The following SCFD2 variants were observed in gnomAD, a reference collection of about 807,000 sequenced individuals.
SCFD2 encodes the protein sec1 family domain-containing protein 2.
Under a neutral mutation model 58.9 loss-of-function variants are expected in SCFD2, and 54 were observed. The ratio of observed to expected loss-of-function variants is 0.92; its 90% CI spans 0.74 to 1.15. The LOEUF is 1.15. SCFD2 is among the 50% of genes most tolerant of loss of function. SCFD2 has a pLI of 0.00. For missense variants in SCFD2, 805 were observed against 836.6 expected (o/e 0.96, Z 0.47); for synonymous variants, 321 against 335.9 (o/e 0.96, Z 0.49).
chr4:53,362,053 A>G (rs1304979279), intron 1 of SCFD2, among the ~76,000 whole-genome samples: 1 of 152,112 alleles, frequency 6.6e-6, no homozygotes, highest in Non-Finnish European at 1.5e-5. Flanking sequence ...GTGGGAGGAG[A>G]CAGGTAATAA....
At chr4:52,993,009 A>T (rs2148795901) in intron 5 of SCFD2, among the ~76,000 whole-genome samples, 1 of 151,948 alleles carries the variant, frequency 6.6e-6, no homozygotes, top group East Asian at 1.9e-4. Flanking sequence ...GTCTGTGCAG[A>T]GGGAAGTAGA....
At chr4:53,150,835 ATAACAGGATAGTCT>A (rs1224847548) in intron 4 of SCFD2, among the ~76,000 whole-genome samples, 3 of 152,224 alleles carry the variant, frequency 2.0e-5, no homozygotes, top group Non-Finnish European at 4.4e-5. Context: ...CGTAATCCCC[ATAACAGGATAGTCT>A]TTGTAAAGAC....
At chr4:53,172,636 T>C (rs1333735362) in intron 4 of SCFD2, among the ~76,000 whole-genome samples, 1 of 152,218 alleles carries the variant, frequency 6.6e-6, no homozygotes, top group African/African-American at 2.4e-5. Context: ...AACTTCCACA[T>C]ATTTGTAAAT....
intron 5 of SCFD2, among the ~76,000 whole-genome samples, chr4:53,074,376 C>T (rs1577706031): frequency 1.3e-5 from 2 of 152,104 alleles, no homozygotes; most frequent in South Asian, 2.1e-4. Flanking sequence ...TCAAAGTTAT[C>T]GATGAGGCTT....
chr4:53,249,630 A>G (rs1202555096), intron 4 of SCFD2, among the ~76,000 whole-genome samples: 1 of 152,234 alleles, frequency 6.6e-6, no homozygotes, highest in Non-Finnish European at 1.5e-5. Context: ...TACAAGCCAG[A>G]AGAGAGTGGG....
At chr4:53,131,869 A>C (rs1389677721) in intron 5 of SCFD2, among the ~76,000 whole-genome samples, 1 of 152,230 alleles carries the variant, frequency 6.6e-6, no homozygotes, top group Admixed American at 6.5e-5. Flanking sequence ...ATTGTATCTA[A>C]TGTAGAGTTA....
chr4:52,972,760 G>C (rs1265515831), intron 5 of SCFD2, among the ~76,000 whole-genome samples: 1 of 152,126 alleles, frequency 6.6e-6, no homozygotes, highest in Non-Finnish European at 1.5e-5. Context: ...TGACCACATA[G>C]TTGGAAGTAG....
intron 4 of SCFD2, among the ~76,000 whole-genome samples, chr4:53,181,564 A>G (rs1727556963): frequency 6.6e-6 from 1 of 152,222 alleles, no homozygotes; most frequent in African/African-American, 2.4e-5. Flanking sequence ...GAATGGGCAA[A>G]AACTGGAAGC....
chr4:53,099,889 A>G (rs1288449481), intron 5 of SCFD2, among the ~76,000 whole-genome samples: 1 of 152,150 alleles, frequency 6.6e-6, no homozygotes, highest in Non-Finnish European at 1.5e-5. Context: ...TTTTTAAAAA[A>G]TTATTTATGG....
At chr4:53,259,738 T>G (rs1237385217) in intron 4 of SCFD2, among the ~76,000 whole-genome samples, 2 of 152,214 alleles carry the variant, frequency 1.3e-5, no homozygotes, top group East Asian at 3.8e-4. Context: ...AGAATTGTTT[T>G]TCTAGTTCTG....
At chr4:53,012,099 C>T (rs1175698834) in intron 5 of SCFD2, among the ~76,000 whole-genome samples, 2 of 149,074 alleles carry the variant, frequency 1.3e-5, no homozygotes, top group East Asian at 3.9e-4. Flanking sequence ...CCAAAAACAA[C>T]AGCAAGAAAG....
At chr4:53,304,230 C>G (rs1732439290) in intron 3 of SCFD2, among the ~76,000 whole-genome samples, 1 of 152,098 alleles carries the variant, frequency 6.6e-6, no homozygotes, top group South Asian at 2.1e-4. Flanking sequence ...TTGTGGGTAA[C>G]CCAACCTTTC....
chr4:52,995,366 CT>C, intron 5 of SCFD2, among the ~76,000 whole-genome samples: 1 of 152,202 alleles, frequency 6.6e-6, no homozygotes, highest in Non-Finnish European at 1.5e-5. Flanking sequence ...GTAATGCTCC[CT>C]TGCCCACTGC....
At chr4:53,022,338 A>G (rs1262457785) in intron 5 of SCFD2, among the ~76,000 whole-genome samples, 2 of 152,218 alleles carry the variant, frequency 1.3e-5, no homozygotes, top group African/African-American at 4.8e-5. Context: ...CCCTGAAAAT[A>G]TGCCTGATCC....
chr4:53,105,164 T>C (rs1412910319), intron 5 of SCFD2, among the ~76,000 whole-genome samples: 6 of 152,034 alleles, frequency 3.9e-5, no homozygotes, highest in Non-Finnish European at 7.4e-5. Flanking sequence ...CCAGATACTA[T>C]GCTTTTCCCA....
chr4:53,250,702 C>T (rs183570203), intron 4 of SCFD2, among the ~76,000 whole-genome samples: 14 of 152,264 alleles, frequency 9.2e-5, no homozygotes, highest in Admixed American at 5.2e-4. Flanking sequence ...CCAACGACAA[C>T]AAAGACACAA....
intron 2 of SCFD2, among the ~76,000 whole-genome samples, chr4:53,347,440 T>C (rs1734089710): frequency 6.6e-6 from 1 of 152,090 alleles, no homozygotes; most frequent in Non-Finnish European, 1.5e-5. Flanking sequence ...AGTGGAGAGT[T>C]CTCTCCATAG....
intron 2 of SCFD2, among the ~76,000 whole-genome samples, chr4:53,329,577 C>A (rs1256166208): frequency 1.3e-5 from 2 of 151,726 alleles, no homozygotes; most frequent in African/African-American, 2.4e-5. Flanking sequence ...AGGACATCCA[C>A]ACCAAAAACC....
intron 3 of SCFD2, among the ~76,000 whole-genome samples, chr4:53,309,538 G>A (rs1732623761): frequency 6.6e-6 from 1 of 152,142 alleles, no homozygotes; most frequent in South Asian, 2.1e-4. Context: ...GTGCAGGGAG[G>A]AGGAGTCAGG....
Sources: gnomAD v4.1 joint callset for allele counts (sites outside exome capture counted in the v4.1 genomes callset) on GRCh38, gnomAD v4.1.1 for gene constraint, MANE v1.5 for transcripts, NCBI Gene and HGNC (gene_info 2026-07-23, HGNC 2026-07-21) for gene names.